Variants in PCLO observed in about 807,000 individuals in gnomAD.
PCLO encodes the protein protein piccolo.
PCLO carries 82 observed loss-of-function variants against 427.5 expected under a neutral mutation model. That is an observed-to-expected ratio of 0.19 (90% CI 0.16 to 0.23). The LOEUF (loss-of-function observed/expected upper bound fraction) is 0.23, where lower values mean the gene tolerates loss of function less well. PCLO is among the 10% of genes least tolerant of loss of function. The probability of loss-of-function intolerance (pLI) is 1.00; values close to 1 mark genes in which losing one functional copy is unlikely to be tolerated. For synonymous variants in PCLO, 2,357 were observed against 2,155.4 expected (o/e 1.09, Z -2.59); for missense variants, 6,239 against 6,115.9 (o/e 1.02, Z -0.67).
At chr7:82,799,985 T>C (rs573968539) in intron 22 of PCLO, among the ~76,000 whole-genome samples, 2 of 152,260 alleles carry the variant, frequency 1.3e-5, no homozygotes, top group African/African-American at 2.4e-5. Context: ...ATGCCTGACA[T>C]ACTGAGTCTA....
rs187445395 is a variant in PCLO, at chr7:83,073,130, T to C, written c.3300+61120A>G. ...GGACAGCCTCCCTGCCATCTAGTGA[T>C]AGCTGGAAATATTACAAGAAGGCAG... On this transcript the variant is annotated intron_variant, in intron 3 of 24. Transcript: ENST00000333891. Among the ~76,000 whole-genome samples, 23 of 152,110 alleles carry C rather than the reference T, an allele frequency of 1.5e-4. No homozygotes were observed. In the East Asian group the frequency reaches 4.4e-3, roughly 29 times the overall value.
At chr7:83,022,206 G>A (rs1788362455) in intron 3 of PCLO, among the ~76,000 whole-genome samples, 2 of 152,130 alleles carry the variant, frequency 1.3e-5, no homozygotes, top group Non-Finnish European at 2.9e-5. Flanking sequence ...TGCTGTCTAT[G>A]AGGAATGGAT....
chr7:82,841,508 G>A lies in PCLO; in HGVS notation c.14048C>T (p.Pro4683Leu). ...VSKKKHGSSK[P>L]TDGTKVVSHP... The stretch of plus-strand genomic sequence containing the variant: ...AGAGACAACCTTTGTTCCATCGGTA[G>A]GCTGTAATATTAAAGAACATATATT... The change falls in exon 14 of 25, where the codon CCT (proline) becomes CTT (leucine). Residue 4683 changes from proline (P) to leucine (L), a missense_variant and splice_region_variant. Physicochemically the swap from Pro to Leu is moderately conservative, Grantham distance 98 (BLOSUM62 -3). Around this residue, in one of 5 missense-constraint regions of PCLO, gnomAD observed 877 missense variants for 925.5 expected, o/e 0.95. Transcript: ENST00000333891. The A allele has an allele frequency of 1.9e-6, 3 of 1,552,952 alleles. No individual in the cohort carries two copies. The highest frequency in any genetic ancestry group is 2.7e-6 in the Non-Finnish European group (3 of 1,125,758).
intron 2 of PCLO, among the ~76,000 whole-genome samples, chr7:83,142,776 T>A (rs922756950): frequency 1.3e-5 from 2 of 152,086 alleles, no homozygotes; most frequent in African/African-American, 4.8e-5. Flanking sequence ...CTGGCCAATA[T>A]GGTGAAACCC....
In PCLO at chr7:83,135,254, G is replaced by A. The variant is rs1355790107; in HGVS notation, c.2296C>T (p.Leu766Phe). Residue 766 changes from leucine to phenylalanine, a missense_variant, in exon 3 of 25, where the codon CTT becomes TTT. Coordinates refer to ENST00000333891, the MANE Select transcript of PCLO (RefSeq NM_033026.6). ...GTTGTTGCTGATGATGAAGATACAA[G>A]GTCAGTGGTTGGCTTTACCATCTTG... The part of the protein sequence containing the change: ...QPKMVKPTTD[L>F]VSSSSATTKP... 6.2e-7 allele frequency: 1 copy of A among 1,613,852 alleles called. No homozygotes were observed. Among genetic ancestry groups the A allele is most frequent in the Non-Finnish European group, 8.5e-7 (1 of 1,179,866 alleles).
intron 3 of PCLO, among the ~76,000 whole-genome samples, chr7:83,070,762 A>C (rs1329924988): frequency 6.6e-6 from 1 of 152,184 alleles, no homozygotes; most frequent in Non-Finnish European, 1.5e-5. Flanking sequence ...GTGACAACAG[A>C]AACTGATCCA....
At chr7:82,977,841 C>A (rs1796055561) in intron 3 of PCLO, among the ~76,000 whole-genome samples, 1 of 152,050 alleles carries the variant, frequency 6.6e-6, no homozygotes, top group African/African-American at 2.4e-5. Context: ...AAACTCATTT[C>A]TTTATATCCT....
At chr7:83,043,499 C>T (rs1789021745) in intron 3 of PCLO, among the ~76,000 whole-genome samples, 1 of 152,140 alleles carries the variant, frequency 6.6e-6, no homozygotes, top group Non-Finnish European at 1.5e-5. Flanking sequence ...TGATTATGTA[C>T]ATCCTCTTAA....
chr7:82,821,479 G>A (rs1584010350), intron 20 of PCLO: 1 of 985,292 alleles, frequency 1.0e-6, no homozygotes, highest in African/African-American at 1.7e-5. Flanking sequence ...CTTTGAAAAT[G>A]ATGACTAGGG....
chr7:82,825,149 C>T (rs892604909), intron 18 of PCLO, among the ~76,000 whole-genome samples: 2 of 152,096 alleles, frequency 1.3e-5, no homozygotes, highest in African/African-American at 4.8e-5. Context: ...ATGACTACCA[C>T]ATTTTGTCAT....
intron 3 of PCLO, among the ~76,000 whole-genome samples, chr7:83,015,577 T>C (rs1280351452): frequency 1.3e-5 from 2 of 152,156 alleles, no homozygotes; most frequent in African/African-American, 4.8e-5. Flanking sequence ...GTTAAAAAGA[T>C]ACTGTGTCCC....
At chr7:83,071,466 A>T (rs1789814202) in intron 3 of PCLO, among the ~76,000 whole-genome samples, 1 of 152,184 alleles carries the variant, frequency 6.6e-6, no homozygotes, top group Non-Finnish European at 1.5e-5. Flanking sequence ...GAGATTTGGT[A>T]ACTGCTTCTA....
intron 6 of PCLO, among the ~76,000 whole-genome samples, chr7:82,943,470 G>C (rs750001359): frequency 1.2e-4 from 18 of 151,238 alleles, no homozygotes; most frequent in Non-Finnish European, 1.9e-4. Context: ...TTTTTTGATA[G>C]AAAAATCACT....
chr7:83,135,602 G>T lies in PCLO; in HGVS notation c.1948C>A (p.Leu650Met), dbSNP rs774298351. Residue 650 changes from leucine to methionine, a missense_variant, in exon 3 of 25, where the codon CTG becomes ATG. Physicochemically the swap from Leu to Met is conservative, Grantham distance 15 (BLOSUM62 2). Transcript: ENST00000333891. ...TGGGGTGATGACGGAACTGGAGCCA[G>T]ATCCCCGCCTAGAGCTCTTTTCATT... is the stretch of plus-strand genomic sequence containing the variant. ...CQMKRALGGD[L>M]APVPSSPQPK... 3.1e-6 allele frequency: 5 copies of T among 1,612,570 alleles called. No individual in the cohort carries two copies.
chr7:82,896,492 G>A (rs1279586841), intron 9 of PCLO, among the ~76,000 whole-genome samples: 1 of 151,596 alleles, frequency 6.6e-6, no homozygotes, highest in Admixed American at 6.6e-5. Flanking sequence ...TTTGGATGAG[G>A]GATGTTGGAA....
At chr7:83,042,860 AAAAC>A (rs772757568) in intron 3 of PCLO, among the ~76,000 whole-genome samples, 45 of 152,236 alleles carry the variant, frequency 3.0e-4, no homozygotes, top group South Asian at 2.9e-3. Flanking sequence ...ACTCTGTCTC[AAAAC>A]AAACAAACAA....
At chr7:82,861,519 A>AAG (rs561368815) in intron 10 of PCLO, among the ~76,000 whole-genome samples, 24 of 152,012 alleles carry the variant, frequency 1.6e-4, no homozygotes, top group Non-Finnish European at 3.1e-4. Context: ...GTTAGAGCTA[A>AAG]AGAGAGAGGT....
chr7:82,994,743 G>C (rs1477442993), intron 3 of PCLO, among the ~76,000 whole-genome samples: 1 of 151,786 alleles, frequency 6.6e-6, no homozygotes. Context: ...TATCACTTGA[G>C]GTGAAAAATG....
intron 22 of PCLO, among the ~76,000 whole-genome samples, chr7:82,764,901 A>G (rs1321329541): frequency 6.6e-6 from 1 of 151,932 alleles, no homozygotes; most frequent in Admixed American, 6.6e-5. Context: ...TAAAATATTG[A>G]GACACTATAA....
Sources: allele counts gnomAD v4.1 joint callset (sites outside exome capture counted in the v4.1 genomes callset), GRCh38; gene constraint gnomAD v4.1.1; regional missense constraint gnomAD v4.1.1; transcripts MANE v1.5; gene names NCBI Gene and HGNC (gene_info 2026-07-23, HGNC 2026-07-21).